The following SCRN1 variants were observed in gnomAD, a reference collection of about 807,000 sequenced individuals.
SCRN1 encodes secernin 1, also known as secernin-1.
SCRN1 carries 19 observed loss-of-function variants against 43.3 expected under a neutral mutation model. That is an observed-to-expected ratio of 0.44 (90% CI 0.31 to 0.64). SCRN1 has a LOEUF of 0.64. Among genes scored for constraint, SCRN1 ranks in the 30% least tolerant of loss-of-function variants. SCRN1 has a pLI of 0.09. For missense variants in SCRN1, 447 were observed against 524.1 expected (o/e 0.85, Z 1.44); for synonymous variants, 183 against 188.9 (o/e 0.97, Z 0.26).
At chr7:29,968,491 A>G (rs1583688627) in intron 2 of SCRN1, among the ~76,000 whole-genome samples, 2 of 152,248 alleles carry the variant, frequency 1.3e-5, no homozygotes, top group South Asian at 2.1e-4. Context: ...GAAAGGGACC[A>G]GGATGAATAT....
chr7:29,967,826 C>G (rs1459127497), intron 2 of SCRN1, among the ~76,000 whole-genome samples: 1 of 152,080 alleles, frequency 6.6e-6, no homozygotes, highest in Non-Finnish European at 1.5e-5. Flanking sequence ...AAAGCTGACA[C>G]AACCAATAAA....
chr7:29,934,888 C>A (rs1289723380), intron 6 of SCRN1, among the ~76,000 whole-genome samples: 4 of 152,234 alleles, frequency 2.6e-5, no homozygotes, highest in Non-Finnish European at 5.9e-5. Flanking sequence ...TGACCAGCAT[C>A]ACCTACAGGA....
intron 5 of SCRN1, 93 bp from the exon 6 acceptor site, chr7:29,936,814 A>C: frequency 1.0e-6 from 1 of 1,003,532 alleles, no homozygotes; most frequent in Non-Finnish European, 1.4e-6. Context: ...TGGGAGGCCG[A>C]GGCGGGCGGA....
intron 1 of SCRN1, among the ~76,000 whole-genome samples, chr7:29,978,775 T>C (rs1036302779): frequency 1.3e-5 from 2 of 152,226 alleles, no homozygotes; most frequent in African/African-American, 2.4e-5. Flanking sequence ...GAGAACCCCA[T>C]AGCTCAGCCA....
At chr7:29,985,862 AC>A (rs1270376522) in intron 1 of SCRN1, among the ~76,000 whole-genome samples, 4 of 152,134 alleles carry the variant, frequency 2.6e-5, no homozygotes, top group Non-Finnish European at 4.4e-5. Context: ...TTCTGTTTTA[AC>A]TTCTCCTTAC....
chr7:29,937,489 T>C (rs1787380013), intron 5 of SCRN1, among the ~76,000 whole-genome samples: 1 of 152,198 alleles, frequency 6.6e-6, no homozygotes, highest in African/African-American at 2.4e-5. Context: ...GGTGTCTTTG[T>C]TACAGCATTT....
At chr7:29,969,672 C>T in intron 1 of SCRN1, 2 of 390,108 alleles carry the variant, frequency 5.1e-6, no homozygotes, top group South Asian at 1.9e-5. Context: ...GGCCAGTGCA[C>T]ATCCTCACTG....
chr7:29,954,900 C>T (rs889074611), intron 3 of SCRN1, among the ~76,000 whole-genome samples: 3 of 152,214 alleles, frequency 2.0e-5, no homozygotes, highest in South Asian at 4.1e-4. Flanking sequence ...AGGCTGGTCT[C>T]GAACTCCTGA....
At chr7:29,962,527 AAAATACGAAAATTAGCCGGCTATGGTGG>A in intron 2 of SCRN1, among the ~76,000 whole-genome samples, 1 of 151,916 alleles carries the variant, frequency 6.6e-6, no homozygotes, top group Non-Finnish European at 1.5e-5. Context: ...GTCTCTACCA[AAAATACGAAAATTAGCCGGCTATGGTGG>A]CACATGCCTG....
At chr7:29,956,371 C>A (rs560900156) in intron 2 of SCRN1, among the ~76,000 whole-genome samples, 1 of 152,318 alleles carries the variant, frequency 6.6e-6, no homozygotes, top group East Asian at 1.9e-4. Context: ...CTATGACACA[C>A]CCTTTGTGTG....
In SCRN1 at chr7:29,961,680, C is replaced by T. The variant is rs1393114434; in HGVS notation, c.160-6320G>A. Among the ~76,000 whole-genome samples, 8 of 151,310 alleles carry T rather than the reference C, an allele frequency of 5.3e-5. No homozygotes were observed. The East Asian group carries it at 1.2e-3, about 22-fold the overall frequency. ...GGCGCCCCTCACCTCCCGGACGGGG[C>T]GGCTGGCCGGGCAGAGGGGCTCTTC... On this transcript the variant is annotated intron_variant, in intron 2 of 7. Coordinates refer to ENST00000242059, the MANE Select transcript of SCRN1 (RefSeq NM_014766.5).
intron 1 of SCRN1, among the ~76,000 whole-genome samples, chr7:29,983,027 C>T (rs944774077): frequency 4.0e-5 from 6 of 151,800 alleles, no homozygotes; most frequent in Non-Finnish European, 5.9e-5. Context: ...TTAGTAGAGA[C>T]GTGGTTTCAC....
chr7:29,933,148 G>A (rs1228587426), intron 6 of SCRN1, among the ~76,000 whole-genome samples: 1 of 152,130 alleles, frequency 6.6e-6, no homozygotes, highest in African/African-American at 2.4e-5. Flanking sequence ...CCAAAGTGCT[G>A]GGATTACAGG....
intron 1 of SCRN1, among the ~76,000 whole-genome samples, chr7:29,987,160 T>C (rs764377201): frequency 6.6e-6 from 1 of 152,214 alleles, no homozygotes; most frequent in Non-Finnish European, 1.5e-5. Context: ...ACCTTCTCCC[T>C]CTGCACATCA....
chr7:29,962,386 T>A (rs965845357), intron 2 of SCRN1, among the ~76,000 whole-genome samples: 6 of 151,626 alleles, frequency 4.0e-5, no homozygotes, highest in African/African-American at 1.5e-4. Context: ...AGGACACATG[T>A]TTAAAATGTC....
In SCRN1 at chr7:29,936,590, T is replaced by C. The variant is rs748442203; in HGVS notation, c.871A>G (p.Ile291Val). Reference protein sequence around the residue: ...VLPQNRSSPCIHYFTGTPDPS... With the variant: ...VLPQNRSSPCVHYFTGTPDPS... ...TCAGGGGTTCCAGTGAAGTAGTGAA[T>C]GCACGGAGAGCTTCTATTCTGCGGC... The change falls in exon 6 of 8, where the codon ATT becomes GTT. Residue 291 changes from isoleucine (I) to valine (V), a missense_variant. Ile to Val is a conservative substitution (Grantham distance 29). Transcript: ENST00000242059. The C allele has an allele frequency of 6.2e-7, 1 of 1,600,264 alleles. No homozygotes were observed. The highest frequency in any genetic ancestry group is 8.6e-7 in the Non-Finnish European group (1 of 1,169,226).
chr7:29,948,766 T>C (rs1455928548), intron 3 of SCRN1, among the ~76,000 whole-genome samples: 1 of 152,192 alleles, frequency 6.6e-6, no homozygotes, highest in African/African-American at 2.4e-5. Flanking sequence ...TGCTACCAGC[T>C]TGGAGAGCAG....
intron 3 of SCRN1, among the ~76,000 whole-genome samples, chr7:29,948,326 T>G (rs1787802975): frequency 1.3e-5 from 2 of 152,192 alleles, no homozygotes; most frequent in African/African-American, 4.8e-5. Flanking sequence ...GAGACCTACT[T>G]CATTGGGTTA....
chr7:29,972,746 C>A (rs1044424470), intron 1 of SCRN1, among the ~76,000 whole-genome samples: 2 of 152,086 alleles, frequency 1.3e-5, no homozygotes, highest in African/African-American at 4.8e-5. Context: ...GATGACTTTT[C>A]TGAAAAGAAA....
Sources: allele counts gnomAD v4.1 joint callset (sites outside exome capture counted in the v4.1 genomes callset), GRCh38; gene constraint gnomAD v4.1.1; transcripts MANE v1.5; gene names NCBI Gene and HGNC (gene_info 2026-07-23, HGNC 2026-07-21).